CCDC136: variants seen among roughly 807,000 people sequenced by gnomAD.
CCDC136 encodes coiled-coil domain containing 136, also known as coiled-coil domain-containing protein 136.
In CCDC136, 100 loss-of-function variants were observed where a neutral mutation model predicts 141.2. The ratio of observed to expected loss-of-function variants is 0.71; its 90% CI spans 0.60 to 0.84. CCDC136 has a LOEUF of 0.84. Ranked by LOEUF, CCDC136 falls within the 40% of genes least tolerant of loss-of-function variation. The pLI is 0.00. For synonymous variants in CCDC136, 474 were observed against 531.9 expected (o/e 0.89, Z 1.50); for missense variants, 1,206 against 1,379.4 (o/e 0.87, Z 1.99).
rs1483475166 is a variant in CCDC136, at chr7:128,814,710, C to T, written c.2836C>T (p.Leu946Phe). ...GGCTAGCATGGATGAGCAGGGGCGG[C>T]TTCTGGTAGTGCAGGAGCAGCTGGA... ...YQASMDEQGR[L>F]LVVQEQLEGQ... The change falls in exon 15 of 18, where the codon CTT becomes TTT. Residue 946 changes from leucine (L) to phenylalanine (F), a missense_variant. Leu to Phe is a conservative substitution (Grantham distance 22). Coordinates refer to ENST00000297788, the MANE Select transcript of CCDC136 (RefSeq NM_022742.5). 1 of 1,613,600 alleles carries T rather than the reference C, an allele frequency of 6.2e-7. No individual in the cohort carries two copies. The highest frequency in any genetic ancestry group is 8.5e-7 in the Non-Finnish European group (1 of 1,179,714).
chr7:128,812,564 T>C (rs182015549), intron 13 of CCDC136, 144 bp from the exon 14 acceptor site: 15 of 721,162 alleles, frequency 2.1e-5, no homozygotes, highest in Non-Finnish European at 3.5e-5. Flanking sequence ...CACGATGCTC[T>C]TTATGGGGGT....
In CCDC136 at chr7:128,804,647, C is replaced by G; in HGVS notation, c.671-3C>G. On this transcript the variant is annotated splice_region_variant and splice_polypyrimidine_tract_variant and intron_variant, in intron 4 of 17. Transcript: ENST00000297788. Reference sequence around the variant, plus strand: ...CTCATCTCTCTCTGCCTGTCCTCTGCAGAAGAACTGCAGGAGCTGCGGGAA... The same window carrying G: ...CTCATCTCTCTCTGCCTGTCCTCTGGAGAAGAACTGCAGGAGCTGCGGGAA... 6.5e-7 allele frequency: 1 copy of G among 1,549,436 alleles called. No homozygotes were observed. Among genetic ancestry groups the G allele is most frequent in the Non-Finnish European group, 8.8e-7 (1 of 1,141,574 alleles).
rs779740662 is a variant in CCDC136, at chr7:128,812,740, C to G, written c.2574C>G (p.Ile858Met). The change falls in exon 14 of 18, where the codon ATC (isoleucine) becomes ATG (methionine). Residue 858 changes from isoleucine (I) to methionine (M), a missense_variant. By Grantham distance (10) the Ile-to-Met change is conservative. Transcript: ENST00000297788. ...AGGAAATGGTTGTGAAAGTGCTGATCAAGCTGCAGGCGGTGCAGGCCATGT... is the reference window on the plus strand; with the variant it reads ...AGGAAATGGTTGTGAAAGTGCTGATGAAGCTGCAGGCGGTGCAGGCCATGT... ...RFEEMVVKVL[I>M]KLQAVQAMYQ... 1 of 1,613,394 alleles carries G rather than the reference C, an allele frequency of 6.2e-7. No individual in the cohort carries two copies. Among genetic ancestry groups the G allele is most frequent in the Admixed American group, 1.7e-5 (1 of 59,974 alleles).
intron 3 of CCDC136, among the ~76,000 whole-genome samples, chr7:128,798,736 T>A (rs1305493566): frequency 6.6e-6 from 1 of 152,086 alleles, no homozygotes. Flanking sequence ...ACTGTGCTGC[T>A]CAGTAGTGGG....
chr7:128,794,695 G>T lies in CCDC136; in HGVS notation c.273G>T (p.Gly91=). The T allele has an allele frequency of 6.4e-7, 1 of 1,551,486 alleles. No homozygotes were observed. Among genetic ancestry groups the T allele is most frequent in the South Asian group, 1.2e-5 (1 of 84,046 alleles). ...ACACTGGTGCCCCTCTCCCTGCAGG[G>T]CTCCTGGAGGATGAACGGCTAGCCA... is the stretch of plus-strand genomic sequence containing the variant. The part of the protein sequence containing the change: ...QHEDDSLELQ[G]LLEDERLASA... Residue 91 remains glycine, a splice_region_variant and synonymous_variant, in exon 3 of 18, where the codon GGG becomes GGT. Transcript: ENST00000297788. The surrounding 1 kb of genome is among the most constrained non-coding windows in gnomAD (Gnocchi z 4.3).
Position 128,806,802 on chromosome 7 carries a change from G to A in CCDC136, c.1363G>A (p.Ala455Thr). The A allele has an allele frequency of 6.2e-7, 1 of 1,612,798 alleles. No homozygotes were observed. Among genetic ancestry groups the A allele is most frequent in the African/African-American group, 1.3e-5 (1 of 75,042 alleles). ...QLQEELQCHE[A>T]ELQHLRDTVA... ...GCAGGAGGAGCTGCAGTGCCATGAG[G>A]CAGAGCTGCAGCACCTCAGGGATAC... is the stretch of plus-strand genomic sequence containing the variant. Residue 455 changes from alanine (A) to threonine (T), a missense_variant, in exon 9 of 18, where the codon GCA becomes ACA. Physicochemically the swap from Ala to Thr is moderately conservative, Grantham distance 58. Coordinates refer to ENST00000297788, the MANE Select transcript of CCDC136 (RefSeq NM_022742.5).
At position 128,822,050 on chromosome 7, in the gene CCDC136, C is replaced by T. The variant is rs929201027; in HGVS notation, c.*257C>T. 1.7e-6 allele frequency: 2 copies of T among 1,195,968 alleles called. No homozygotes were observed. The highest frequency in any genetic ancestry group is 3.2e-5 in the African/African-American group (2 of 62,868). The allele number at this position is 1,195,968 out of a possible 1,614,324, so 74.1% of individuals were successfully genotyped here. Reference sequence around the variant, plus strand: ...GCCTCAGTCACCCAGGCTGAAAAGGCTTGTGGGGAGCGGCTGACTTCCATC... The same window carrying T: ...GCCTCAGTCACCCAGGCTGAAAAGGTTTGTGGGGAGCGGCTGACTTCCATC... On this transcript the variant is annotated 3_prime_UTR_variant, in exon 18 of 18. Transcript: ENST00000297788.
chr7:128,802,953 C>T (rs1016852461), intron 4 of CCDC136, among the ~76,000 whole-genome samples: 13 of 152,204 alleles, frequency 8.5e-5, no homozygotes, highest in African/African-American at 1.9e-4. Context: ...TAATGCTTAG[C>T]GCATGGTTAG....
At position 128,801,310 on chromosome 7, in the gene CCDC136, A is replaced by C. The variant is rs1486878176; in HGVS notation, c.471A>C (p.Ala157=). 6.2e-7 allele frequency: 1 copy of C among 1,613,802 alleles called. No individual in the cohort carries two copies. The highest frequency in any genetic ancestry group is 8.5e-7 in the Non-Finnish European group (1 of 1,179,850). The change falls in exon 4 of 18, where the codon GCA becomes GCC. Residue 157 remains alanine (A), a synonymous_variant. Coordinates refer to ENST00000297788, the MANE Select transcript of CCDC136 (RefSeq NM_022742.5). The part of the protein sequence containing the change: ...QAEIQSLRQA[A]EDSATEHESD... Reference sequence around the variant, plus strand: ...AGATCCAGAGTCTGCGGCAAGCAGCAGAGGATTCCGCAACTGAACATGAGA... The same window carrying C: ...AGATCCAGAGTCTGCGGCAAGCAGCCGAGGATTCCGCAACTGAACATGAGA...
In CCDC136 at chr7:128,805,865, G is replaced by A. The variant is rs780760626; in HGVS notation, c.1053G>A (p.Glu351=). Residue 351 remains glutamate (E), a synonymous_variant, in exon 7 of 18, where the codon GAG becomes GAA. Transcript: ENST00000297788. The surrounding 1 kb of genome is among the most constrained non-coding windows in gnomAD (Gnocchi z 4.6). ...LQRELKCAQN[E]VLRFQTSHSV... is the part of the protein sequence containing the mutation. ...GGGAGCTCAAGTGTGCTCAGAATGA[G>A]GTGCTTCGGTTTCAGACCTCCCACA... is the stretch of plus-strand genomic sequence containing the variant. 1 of 1,613,976 alleles carries A rather than the reference G, an allele frequency of 6.2e-7. No individual in the cohort carries two copies. The highest frequency in any genetic ancestry group is 8.5e-7 in the Non-Finnish European group (1 of 1,179,900).
rs757440475 is a variant in CCDC136, at chr7:128,812,225, C to A, written c.2454C>A (p.Tyr818Ter). The A allele has an allele frequency of 1.2e-6, 2 of 1,613,934 alleles. No individual in the cohort carries two copies. The highest frequency in any genetic ancestry group is 2.7e-5 in the African/African-American group (2 of 75,038). ...SNSSITYKKS[Y>*]GSTSSSDTCQ... Reference sequence around the variant, plus strand: ...GCAGCATTACCTATAAGAAGAGTTACGGCAGCACCAGTAGCTCTGACACCT... The same window carrying A: ...GCAGCATTACCTATAAGAAGAGTTAAGGCAGCACCAGTAGCTCTGACACCT... Residue 818 changes from tyrosine (Y) to a stop codon, truncating the protein, a stop_gained, in exon 13 of 18, where the codon TAC becomes TAA. Transcript: ENST00000297788. LOFTEE classifies it high-confidence loss of function.
At chr7:128,811,161 CTG>C in intron 12 of CCDC136, 1 of 382,100 alleles carries the variant, frequency 2.6e-6, no homozygotes, top group South Asian at 2.0e-5. Context: ...GAAGTCAACA[CTG>C]TGAGGCTGGA....
chr7:128,810,411 A>C, intron 12 of CCDC136, 45 bp downstream of exon 12: 1 of 1,393,158 alleles, frequency 7.2e-7, no homozygotes, highest in Non-Finnish European at 1.0e-6. Context: ...TGAGCACAAC[A>C]GCATGGCAGA....
intron 12 of CCDC136, 142 bp downstream of exon 12, chr7:128,810,508 C>T: frequency 3.2e-6 from 2 of 628,378 alleles, no homozygotes; most frequent in South Asian, 4.0e-5. Context: ...CTTTCACCAG[C>T]TGTGACCACT....
At chr7:128,797,036 C>G (rs528652868) in intron 3 of CCDC136, among the ~76,000 whole-genome samples, 5 of 152,046 alleles carry the variant, frequency 3.3e-5, no homozygotes, top group African/African-American at 4.8e-5. Flanking sequence ...CCACCGCGCC[C>G]GGCCCAGAAT....
chr7:128,816,075 A>G, intron 16 of CCDC136, 144 bp downstream of exon 16: 1 of 757,760 alleles, frequency 1.3e-6, no homozygotes, highest in Non-Finnish European at 2.1e-6. Flanking sequence ...GGGGAGGTGG[A>G]GATGCAGAAG....
chr7:128,812,051 G>A lies in CCDC136; in HGVS notation c.2280G>A (p.Lys760=). 6.2e-7 allele frequency: 1 copy of A among 1,614,016 alleles called. No individual in the cohort carries two copies. The highest frequency in any genetic ancestry group is 8.5e-7 in the Non-Finnish European group (1 of 1,179,888). ...SMVPSNENCR[K]TYDTTVDDNE... ...TCCCCAGCAATGAGAACTGTCGCAA[G>A]ACTTATGATACCACTGTGGATGACA... The change falls in exon 13 of 18, where the codon AAG becomes AAA. Residue 760 remains lysine (K), a synonymous_variant. Coordinates refer to ENST00000297788, the MANE Select transcript of CCDC136 (RefSeq NM_022742.5).
chr7:128,797,185 T>G (rs1803164964), intron 3 of CCDC136, among the ~76,000 whole-genome samples: 1 of 152,142 alleles, frequency 6.6e-6, no homozygotes, highest in Non-Finnish European at 1.5e-5. Context: ...TGGCAAGGGG[T>G]AAGTTTTGGG....
At chr7:128,814,314 G>A (rs779042215) in intron 14 of CCDC136, among the ~76,000 whole-genome samples, 1 of 152,040 alleles carries the variant, frequency 6.6e-6, no homozygotes, top group Non-Finnish European at 1.5e-5. Context: ...TCGAACTCCT[G>A]ACCTCAAGTG....
Sources: gnomAD v4.1 joint callset for allele counts (sites outside exome capture counted in the v4.1 genomes callset) on GRCh38, gnomAD v4.1.1 for gene constraint, Gnocchi (gnomAD v3.1) non-coding constraint, MANE v1.5 for transcripts, NCBI Gene and HGNC (gene_info 2026-07-23, HGNC 2026-07-21) for gene names.